Variants in RBFOX1 observed in about 807,000 individuals in gnomAD.
RBFOX1 encodes RNA binding protein fox-1 homolog 1.
RBFOX1 carries 8 observed loss-of-function variants against 57.7 expected under a neutral mutation model. The observed-to-expected ratio is 0.14, with a 90% CI of 0.08 to 0.25. RBFOX1 has a LOEUF of 0.25. Ranked by LOEUF, RBFOX1 falls within the 10% of genes least tolerant of loss-of-function variation. RBFOX1 has a pLI of 1.00. For missense variants in RBFOX1, 611 were observed against 548.5 expected (o/e 1.11, Z -1.14); for synonymous variants, 326 against 222.4 (o/e 1.47, Z -4.15).
At chr16:5,799,344 C>T (rs1347800379) in intron 3 of RBFOX1, among the ~76,000 whole-genome samples, 1 of 152,020 alleles carries the variant, frequency 6.6e-6, no homozygotes, top group African/African-American at 2.4e-5. Flanking sequence ...GGGGACATAG[C>T]CAAACCATAT....
At chr16:5,861,546 A>G (rs976826208) in intron 3 of RBFOX1, among the ~76,000 whole-genome samples, 1 of 152,218 alleles carries the variant, frequency 6.6e-6, no homozygotes, top group African/African-American at 2.4e-5. Context: ...ATGAGAAAGG[A>G]ATGAATGTCC....
At chr16:6,087,841 T>TG (rs2096111389) in intron 1 of RBFOX1, among the ~76,000 whole-genome samples, 1 of 151,948 alleles carries the variant, frequency 6.6e-6, no homozygotes. Context: ...TTAGTAGAGA[T>TG]GGGGTTTCCC....
At chr16:6,593,450 T>TCGCCTCTTTTTGATGAC (rs2097742723) in intron 2 of RBFOX1, among the ~76,000 whole-genome samples, 1 of 152,162 alleles carries the variant, frequency 6.6e-6, no homozygotes, top group Non-Finnish European at 1.5e-5. Flanking sequence ...AGTTTGGTGA[T>TCGCCTCTTTTTGATGAC]CGCCTCTTTT....
intron 2 of RBFOX1, among the ~76,000 whole-genome samples, chr16:6,616,415 G>T (rs956350479): frequency 1.3e-5 from 2 of 151,048 alleles, no homozygotes; most frequent in Non-Finnish European, 2.9e-5. Context: ...GATGGCTCAC[G>T]CCTGTAATCC....
At chr16:6,065,246 G>C (rs2095745809) in intron 1 of RBFOX1, among the ~76,000 whole-genome samples, 1 of 149,618 alleles carries the variant, frequency 6.7e-6, no homozygotes, top group Non-Finnish European at 1.5e-5. Flanking sequence ...TGTTGCCACG[G>C]CTGGTCTCAA....
intron 3 of RBFOX1, among the ~76,000 whole-genome samples, chr16:6,767,944 T>TAAGAAGAAG (rs1328651970): frequency 0.016 from 1,347 of 86,366 alleles, 10 homozygotes; most frequent in Non-Finnish European, 0.021. Context: ...ATAATAATAA[T>TAAGAAGAAG]AATAAGAAGA....
intron 4 of RBFOX1, among the ~76,000 whole-genome samples, chr16:7,418,477 T>G (rs1001027448): frequency 6.6e-6 from 1 of 152,218 alleles, no homozygotes; most frequent in Admixed American, 6.5e-5. Context: ...AGATGGAGAT[T>G]ACGCATTCTG....
chr16:5,392,333 G>C (rs1241842629), intron 1 of RBFOX1, among the ~76,000 whole-genome samples: 5 of 152,052 alleles, frequency 3.3e-5, no homozygotes, highest in Non-Finnish European at 7.4e-5. Flanking sequence ...CATCATATTA[G>C]GACTCAGCCT....
chr16:7,365,006 G>T (rs1163212466), intron 4 of RBFOX1, among the ~76,000 whole-genome samples: 1 of 151,632 alleles, frequency 6.6e-6, no homozygotes, highest in African/African-American at 2.4e-5. Context: ...GAATCTATCT[G>T]TCTGTCTGTC....
At chr16:6,129,702 TAA>T (rs35279011) in intron 1 of RBFOX1, among the ~76,000 whole-genome samples, 4 of 121,182 alleles carry the variant, frequency 3.3e-5, no homozygotes, top group Admixed American at 1.7e-4. Flanking sequence ...CAGGTAGAAT[TAA>T]AAAAAAAAAA....
rs183136577 is a variant in RBFOX1 at position 5,559,093 on chromosome 16, A to T, written c.259-39809A>T. Among the ~76,000 whole-genome samples, 649 of 141,732 alleles carry T rather than the reference A, an allele frequency of 4.6e-3. 4 individuals are homozygous for T. The highest frequency in any genetic ancestry group is 5.9e-3 in the Non-Finnish European group (394 of 66,334). The allele number at this position is 141,732 out of a possible 152,430, so 93.0% of individuals were successfully genotyped here. ...GCCTGAGGAAACCTGAGATTTTGAT[A>T]TGTGATCAGTTTTTGTCTTGCTCCT... is the stretch of plus-strand genomic sequence containing the variant. On this transcript the variant is annotated intron_variant, in intron 2 of 2. Coordinates refer to the RBFOX1 transcript ENST00000585867.
intron 1 of RBFOX1, among the ~76,000 whole-genome samples, chr16:6,227,696 A>G (rs2097428372): frequency 6.6e-6 from 1 of 152,230 alleles, no homozygotes; most frequent in South Asian, 2.1e-4. Context: ...ATATTGGAGC[A>G]TAATGAGTTC....
At chr16:7,652,901 G>C (rs928430230) in intron 11 of RBFOX1, among the ~76,000 whole-genome samples, 1 of 152,134 alleles carries the variant, frequency 6.6e-6, no homozygotes, top group South Asian at 2.1e-4. Context: ...TCAATTAGAA[G>C]TTTTAAGAAG....
At chr16:5,661,063 C>T (rs60969810) in intron 3 of RBFOX1, among the ~76,000 whole-genome samples, 1 of 152,128 alleles carries the variant, frequency 6.6e-6, no homozygotes, top group African/African-American at 2.4e-5. Context: ...TCTGCACCTG[C>T]TCACTTCAGC....
At chr16:7,534,583 T>G (rs944340264) in intron 5 of RBFOX1, among the ~76,000 whole-genome samples, 2 of 152,104 alleles carry the variant, frequency 1.3e-5, no homozygotes, top group African/African-American at 4.8e-5. Flanking sequence ...AAAGTCAGTT[T>G]TGGGTAAAGT....
intron 1 of RBFOX1, among the ~76,000 whole-genome samples, chr16:5,277,678 A>G (rs1433338799): frequency 6.6e-6 from 1 of 152,148 alleles, no homozygotes; most frequent in Non-Finnish European, 1.5e-5. Context: ...CCCTGACCCT[A>G]CTGACCTGAT....
At chr16:5,700,215 A>T (rs2050995856) in intron 3 of RBFOX1, among the ~76,000 whole-genome samples, 1 of 152,152 alleles carries the variant, frequency 6.6e-6, no homozygotes, top group Non-Finnish European at 1.5e-5. Flanking sequence ...AAGAATGCAA[A>T]CTATTCGATC....
At chr16:6,598,561 C>T (rs746409690) in intron 2 of RBFOX1, among the ~76,000 whole-genome samples, 1 of 152,118 alleles carries the variant, frequency 6.6e-6, no homozygotes, top group African/African-American at 2.4e-5. Flanking sequence ...ACATGAGAAA[C>T]ACTTTAAAAG....
chr16:6,966,777 A>C (rs62016379), intron 3 of RBFOX1, among the ~76,000 whole-genome samples: 1 of 24,638 alleles, frequency 4.1e-5, no homozygotes, highest in African/African-American at 9.7e-5. Context: ...CTATCTATCT[A>C]TCTATCTATC....
Sources: gnomAD v4.1 joint callset for allele counts (sites outside exome capture counted in the v4.1 genomes callset) on GRCh38, gnomAD v4.1.1 for gene constraint, MANE v1.5 for transcripts, NCBI Gene and HGNC (gene_info 2026-07-23, HGNC 2026-07-21) for gene names.